The following TOP2B variants were observed in gnomAD, a reference collection of about 807,000 sequenced individuals.
The protein encoded by TOP2B is DNA topoisomerase II beta.
TOP2B carries 51 observed loss-of-function variants against 193.5 expected under a neutral mutation model. The observed-to-expected ratio is 0.26, with a 90% confidence interval of 0.21 to 0.33. The LOEUF is 0.33. Among genes scored for constraint, TOP2B ranks in the 10% least tolerant of loss-of-function variants. The pLI is 1.00. For missense variants in TOP2B, 1,378 were observed against 1,909.3 expected, an observed-to-expected ratio of 0.72 and a Z score of 5.19; for synonymous variants, 634 against 635.7, an observed-to-expected ratio of 1.00 and a Z score of 0.04.
At chr3:25,632,668 G>A (rs372738310) in intron 9 of TOP2B, 25 bp downstream of exon 9, 41 of 1,600,956 alleles carry the variant, frequency 2.6e-5, no homozygotes, top group African/African-American at 9.4e-5. Context: ...TATGCATCAT[G>A]TACAATATAT....
intron 3 of TOP2B, 71 bp downstream of exon 3, chr3:25,643,623 G>A: frequency 8.6e-7 from 1 of 1,156,072 alleles, no homozygotes; most frequent in Non-Finnish European, 1.3e-6. Flanking sequence ...GGTTAAGTCT[G>A]GCTTTATATA....
Position 25,619,952 on chromosome 3 carries a change from C to A in TOP2B, c.2973G>T (p.Val991=). The part of the protein sequence containing the change: ...YHTDTTVKFV[V]KMTEEKLAQA... ...GTGCTAGTTTCTCTTCAGTCATTTT[C>A]ACCACAAATTTCACAGTTGTGTCAG... Residue 991 remains valine (V), a synonymous_variant, in exon 23 of 36, where the codon GTG becomes GTT. Transcript: ENST00000264331. 6.2e-7 allele frequency: 1 copy of A among 1,613,162 alleles called. No homozygotes were observed. Among genetic ancestry groups the A allele is most frequent in the Non-Finnish European group, 8.5e-7 (1 of 1,179,616 alleles).
rs1031027503 is a variant in TOP2B, at chr3:25,664,667, C to G, written c.-370G>C. On this transcript the variant is annotated 5_prime_UTR_variant, in exon 1 of 36. Coordinates refer to ENST00000264331, the MANE Select transcript of TOP2B (RefSeq NM_001330700.2). ...GCGAGCCGCGAGGGCGGCCGGGGAG[C>G]CCGAGGCGCTCGGACGTGGCGAGGA... 107 of 984,720 alleles carry G rather than the reference C, an allele frequency of 1.1e-4. No homozygotes were observed. The highest frequency in any genetic ancestry group is 1.2e-4 in the Non-Finnish European group (102 of 829,716). The allele number at this position is 984,720 out of a possible 1,614,324, so 61.0% of individuals were successfully genotyped here.
intron 31 of TOP2B, among the ~76,000 whole-genome samples, chr3:25,606,429 T>C (rs921712285): frequency 6.6e-6 from 1 of 152,134 alleles, no homozygotes; most frequent in Non-Finnish European, 1.5e-5. Context: ...CAAAATACTT[T>C]GAATACTTAA....
At chr3:25,619,433 T>G (rs1702599629) in intron 23 of TOP2B, among the ~76,000 whole-genome samples, 2 of 152,156 alleles carry the variant, frequency 1.3e-5, no homozygotes. Flanking sequence ...GAATGGAACT[T>G]GAATCACACA....
At chr3:25,614,089 A>AAATGTTAAAAAT (rs1183608633) in intron 27 of TOP2B, among the ~76,000 whole-genome samples, 1 of 152,204 alleles carries the variant, frequency 6.6e-6, no homozygotes, top group Non-Finnish European at 1.5e-5. Flanking sequence ...TGTTAAAAAT[A>AAATGTTAAAAAT]AATACATCCA....
At chr3:25,634,173 C>T (rs183541196) in intron 7 of TOP2B, among the ~76,000 whole-genome samples, 159 bp from the exon 8 acceptor site, 2 of 152,194 alleles carry the variant, frequency 1.3e-5, no homozygotes, top group East Asian at 3.9e-4. Flanking sequence ...ATTCCTTAAC[C>T]CTTGACCTTT....
At chr3:25,658,070 A>AAAAAAAAAACAAAAAAAC (rs1209427514) in intron 1 of TOP2B, among the ~76,000 whole-genome samples, 2 of 74,634 alleles carry the variant, frequency 2.7e-5, no homozygotes, top group East Asian at 3.7e-4. Flanking sequence ...CAAAAAAAAA[A>AAAAAAAAAACAAAAAAAC]AAAAAAAATT....
At chr3:25,598,792 A>G (rs1347395641) in intron 35 of TOP2B, among the ~76,000 whole-genome samples, 2 of 152,244 alleles carry the variant, frequency 1.3e-5, no homozygotes, top group East Asian at 3.8e-4. Flanking sequence ...TAAAAATTCA[A>G]GCTGTCCTAC....
rs34502850 is a variant in TOP2B at position 25,644,101 on chromosome 3, CTTTT to C, written c.241-321_241-318del. ...TTTCATAAATAATGGAAAATTAATG[CTTTT>C]TTTTTTTTTTATAATACAGGGAGCA... On this transcript the variant is annotated intron_variant, in intron 2 of 35. Transcript: ENST00000264331. 5.0e-4 allele frequency among the ~76,000 whole-genome samples: 70 copies of C among 140,700 alleles called. No homozygotes were observed. In the Middle Eastern group the frequency reaches 0.011, roughly 23 times the overall value. 92.3% of individuals were successfully genotyped at this position (140,700 alleles called of 152,430 possible).
intron 21 of TOP2B, 40 bp downstream of exon 21, chr3:25,623,475 T>C (rs746765686): frequency 8.4e-6 from 13 of 1,554,172 alleles, no homozygotes; most frequent in Admixed American, 3.4e-5. Context: ...AGTTTACACA[T>C]TATCATTTGT....
At chr3:25,627,845 G>A (rs577045154) in intron 15 of TOP2B, among the ~76,000 whole-genome samples, 5 of 151,604 alleles carry the variant, frequency 3.3e-5, no homozygotes, top group East Asian at 2.0e-4. Flanking sequence ...TGAGGTGGGC[G>A]GATCACTTAA....
chr3:25,638,862 C>G (rs1703180555), intron 4 of TOP2B, among the ~76,000 whole-genome samples: 1 of 152,054 alleles, frequency 6.6e-6, no homozygotes, highest in African/African-American at 2.4e-5. Context: ...AACAATTATT[C>G]AGAATTTTAT....
At chr3:25,625,703 G>GT (rs1456017959) in intron 18 of TOP2B, among the ~76,000 whole-genome samples, 1 of 152,084 alleles carries the variant, frequency 6.6e-6, no homozygotes, top group Non-Finnish European at 1.5e-5. Flanking sequence ...AAGCCAAAAG[G>GT]TTAGACACCC....
Position 25,618,713 on chromosome 3 carries a change from G to A in TOP2B, c.3200C>T (p.Thr1067Ile). Reference protein sequence around the residue: ...WLVGMLGAESTKLNNQARFIL... With the variant: ...WLVGMLGAESIKLNNQARFIL... Reference sequence around the variant, plus strand: ...GAAACGGGCTTGATTGTTAAGCTTTGTAGATTCTGCTCCCAACATTCCCAC... The same window carrying A: ...GAAACGGGCTTGATTGTTAAGCTTTATAGATTCTGCTCCCAACATTCCCAC... The change falls in exon 24 of 36, where the codon ACA (threonine) becomes ATA (isoleucine). Residue 1067 changes from threonine to isoleucine, a missense_variant. By Grantham distance (89) the Thr-to-Ile change is moderately conservative. This residue lies in a region of TOP2B where 379 missense variants were observed against 615.1 expected (regional missense o/e 0.62). Coordinates refer to ENST00000264331, the MANE Select transcript of TOP2B (RefSeq NM_001330700.2). 8 of 1,613,156 alleles carry A rather than the reference G, an allele frequency of 5.0e-6. No homozygotes were observed. Among genetic ancestry groups the A allele is most frequent in the Non-Finnish European group, 6.8e-6 (8 of 1,179,606 alleles).
Position 25,598,110 on chromosome 3 carries a change from C to T in TOP2B, c.*197G>A. 2 of 503,566 alleles carry T rather than the reference C, an allele frequency of 4.0e-6. No individual in the cohort carries two copies. The highest frequency in any genetic ancestry group is 3.2e-5 in the South Asian group (1 of 31,588). The allele number at this position is 503,566 out of a possible 1,614,324, so 31.2% of individuals were successfully genotyped here. A position where few individuals can be genotyped will look rare whatever the true frequency, so the allele number is the denominator to read the frequency against. ...AATTCTACAAGCCAATCAGACAGTACGTGACATTTCAATGAGTAAAAAAGA... is the reference window on the plus strand; with the variant it reads ...AATTCTACAAGCCAATCAGACAGTATGTGACATTTCAATGAGTAAAAAAGA... On this transcript the variant is annotated 3_prime_UTR_variant, in exon 36 of 36. Transcript: ENST00000264331.
At chr3:25,604,313 T>C (rs1018413476) in intron 33 of TOP2B, among the ~76,000 whole-genome samples, 29 of 152,140 alleles carry the variant, frequency 1.9e-4, no homozygotes, top group Non-Finnish European at 4.0e-4. Context: ...ATTAATCAAC[T>C]CAAAGTGTTT....
Position 25,599,420 on chromosome 3 carries a change from G to T in TOP2B, c.4710+15C>A. The T allele has an allele frequency of 6.2e-7, 1 of 1,611,064 alleles. No homozygotes were observed. Among genetic ancestry groups the T allele is most frequent in the South Asian group, 1.1e-5 (1 of 90,478 alleles). ...AAAAAGCCATGCACTAATATGCAATGATGTTCCCGGTTACCTTGCTTGTTG... is the reference window on the plus strand; with the variant it reads ...AAAAAGCCATGCACTAATATGCAATTATGTTCCCGGTTACCTTGCTTGTTG... On this transcript the variant is annotated intron_variant, in intron 35 of 35. Coordinates refer to ENST00000264331, the MANE Select transcript of TOP2B (RefSeq NM_001330700.2).
In TOP2B at chr3:25,624,785, C is replaced by T. The variant is rs754554733; in HGVS notation, c.2243G>A (p.Arg748Gln). The stretch of plus-strand genomic sequence containing the variant: ...CTTGAAACAGGTAAATAAAACTTTC[C>T]GCTGGCCAGGTTTAAAGCCTATTTT... ...SLVDGFKPGQRKVLFTCFKRN... is the reference protein window; with the variant it reads ...SLVDGFKPGQQKVLFTCFKRN... Residue 748 changes from arginine (R) to glutamine (Q), a missense_variant, in exon 19 of 36, where the codon CGG becomes CAG. This residue lies in a region of TOP2B where 379 missense variants were observed against 615.1 expected (regional missense o/e 0.62). Coordinates refer to ENST00000264331, the MANE Select transcript of TOP2B (RefSeq NM_001330700.2). 1.2e-6 allele frequency: 2 copies of T among 1,613,140 alleles called. No individual in the cohort carries two copies. The highest frequency in any genetic ancestry group is 1.7e-6 in the Non-Finnish European group (2 of 1,179,494).
Sources: gnomAD v4.1 joint callset for allele counts (sites outside exome capture counted in the v4.1 genomes callset) on GRCh38, gnomAD v4.1.1 for gene constraint, gnomAD v4.1.1 regional missense constraint, MANE v1.5 for transcripts, NCBI Gene and HGNC (gene_info 2026-07-23, HGNC 2026-07-21) for gene names.